The following ANKFN1 variants were observed in gnomAD, a reference collection of about 807,000 sequenced individuals.
ANKFN1 encodes ankyrin repeat and fibronectin type III domain containing 1, also known as ankyrin repeat and fibronectin type-III domain-containing protein 1.
In ANKFN1, 74 loss-of-function variants were observed where a neutral mutation model predicts 108.7. The ratio of observed to expected loss-of-function variants is 0.68; its 90% confidence interval spans 0.56 to 0.83. The LOEUF (loss-of-function observed/expected upper bound fraction) is 0.83. ANKFN1 is among the 40% of genes least tolerant of loss of function. The pLI is 0.00. For synonymous variants in ANKFN1, 547 were observed against 516.2 expected (o/e 1.06, Z -0.81); for missense variants, 1,505 against 1,382.3 (o/e 1.09, Z -1.41).
intron 4 of ANKFN1, among the ~76,000 whole-genome samples, chr17:56,055,969 A>G (rs1002285548): frequency 6.6e-6 from 1 of 151,918 alleles, no homozygotes; most frequent in African/African-American, 2.4e-5. Flanking sequence ...TTCTCTGACA[A>G]TTATTGATGT....
intron 8 of ANKFN1, among the ~76,000 whole-genome samples, chr17:56,378,588 A>G (rs2047004080): frequency 6.6e-6 from 1 of 152,234 alleles, no homozygotes; most frequent in African/African-American, 2.4e-5. Context: ...CTTCATTACT[A>G]GGTTGAAGTG....
intron 4 of ANKFN1, among the ~76,000 whole-genome samples, chr17:56,113,856 AGAT>A (rs1906113846): frequency 8.2e-5 from 1 of 12,234 alleles, no homozygotes; most frequent in African/African-American, 3.8e-3. Flanking sequence ...TGATTAGGAG[AGAT>A]AGATGTTAGA....
At chr17:56,208,915 G>C (rs536216118) in intron 1 of ANKFN1, among the ~76,000 whole-genome samples, 3 of 151,494 alleles carry the variant, frequency 2.0e-5, no homozygotes, top group African/African-American at 7.3e-5. Context: ...ACAGAGTCTC[G>C]CTCTGTCACC....
At chr17:56,434,573 C>T (rs2048871178) in intron 8 of ANKFN1, among the ~76,000 whole-genome samples, 1 of 152,160 alleles carries the variant, frequency 6.6e-6, no homozygotes, top group East Asian at 1.9e-4. Context: ...GTTCCTAAGA[C>T]TACCAAGGGA....
chr17:56,360,588 C>T (rs1357724431), intron 6 of ANKFN1, among the ~76,000 whole-genome samples: 2 of 152,180 alleles, frequency 1.3e-5, no homozygotes, highest in East Asian at 3.8e-4. Context: ...ACAGTAGACA[C>T]TCAACTGAAT....
chr17:56,065,513 T>C (rs74427708), intron 4 of ANKFN1, among the ~76,000 whole-genome samples: 5,066 of 152,242 alleles, frequency 0.033, 274 homozygotes, highest in African/African-American at 0.12. Context: ...TCTCGCTAAG[T>C]TTGATCATTT....
At chr17:56,298,097 A>C (rs72833836) in intron 3 of ANKFN1, among the ~76,000 whole-genome samples, 19,261 of 152,140 alleles carry the variant, frequency 0.13, 1,464 homozygotes, top group African/African-American at 0.22. Flanking sequence ...CTACCTTGGA[A>C]CTACTAAGTC....
At chr17:56,349,598 A>G (rs1307564760) in intron 4 of ANKFN1, among the ~76,000 whole-genome samples, 4 of 152,094 alleles carry the variant, frequency 2.6e-5, no homozygotes, top group Non-Finnish European at 4.4e-5. Context: ...TAAATTATCT[A>G]TTGAAAGCCT....
At chr17:56,189,170 C>CATTTTTTTTTTTTTTTTTT (rs1555607722) in intron 1 of ANKFN1, among the ~76,000 whole-genome samples, 1 of 85,290 alleles carries the variant, frequency 1.2e-5, no homozygotes, top group African/African-American at 6.8e-5. Context: ...GTTGCCCTGA[C>CATTTTTTTTTTTTTTTTTT]TTTTTTTTTT....
chr17:56,380,666 C>T (rs1010504250), intron 8 of ANKFN1, among the ~76,000 whole-genome samples: 11 of 152,324 alleles, frequency 7.2e-5, no homozygotes, highest in South Asian at 2.1e-4. Context: ...CCTACGCCCA[C>T]GGAGTCTCGC....
At chr17:56,235,119 T>C (rs936007958) in intron 3 of ANKFN1, among the ~76,000 whole-genome samples, 1 of 152,212 alleles carries the variant, frequency 6.6e-6, no homozygotes, top group Non-Finnish European at 1.5e-5. Flanking sequence ...TTTGACTTTT[T>C]TTCATATGCC....
At chr17:56,384,088 T>C (rs2047187299) in intron 8 of ANKFN1, among the ~76,000 whole-genome samples, 1 of 152,152 alleles carries the variant, frequency 6.6e-6, no homozygotes, top group Non-Finnish European at 1.5e-5. Context: ...AATAAAATAC[T>C]GGCAAACCAA....
intron 4 of ANKFN1, among the ~76,000 whole-genome samples, chr17:56,093,696 C>T (rs1905463821): frequency 6.6e-6 from 1 of 151,338 alleles, no homozygotes; most frequent in African/African-American, 2.4e-5. Flanking sequence ...TGTCAAGCCC[C>T]AAGGTGAAGT....
intron 14 of ANKFN1, 45 bp downstream of exon 14, chr17:56,458,024 T>C: frequency 1.3e-6 from 2 of 1,520,438 alleles, no homozygotes; most frequent in Non-Finnish European, 1.8e-6. Context: ...AAAATATTTT[T>C]AATGTAGAAA....
At chr17:56,082,336 GTT>G (rs1905649411) in intron 4 of ANKFN1, among the ~76,000 whole-genome samples, 1 of 151,534 alleles carries the variant, frequency 6.6e-6, no homozygotes, top group Non-Finnish European at 1.5e-5. Context: ...GCTTCTCCAA[GTT>G]TTGTCTGGAA....
chr17:56,467,012 G>C (rs905897103), intron 15 of ANKFN1, among the ~76,000 whole-genome samples: 1 of 152,112 alleles, frequency 6.6e-6, no homozygotes, highest in Admixed American at 6.5e-5. Flanking sequence ...AGCTGCTTGG[G>C]GGGCTGAGGC....
At chr17:56,209,852 T>C (rs919187549) in intron 1 of ANKFN1, among the ~76,000 whole-genome samples, 9 of 152,128 alleles carry the variant, frequency 5.9e-5, no homozygotes, top group African/African-American at 1.9e-4. Flanking sequence ...CCAAAGTCCA[T>C]TGTATCATTC....
intron 4 of ANKFN1, among the ~76,000 whole-genome samples, chr17:56,052,630 C>T (rs73323663): frequency 0.085 from 13,014 of 152,234 alleles, 616 homozygotes; most frequent in East Asian, 0.16. Context: ...TCACTGCATG[C>T]ATTCCCATCT....
chr17:56,264,399 G>A (rs1567872068), intron 3 of ANKFN1, among the ~76,000 whole-genome samples: 1 of 152,170 alleles, frequency 6.6e-6, no homozygotes, highest in Non-Finnish European at 1.5e-5. Context: ...TACTCTGCCT[G>A]TTAGACCTCC....
Sources: gnomAD v4.1 joint callset for allele counts (sites outside exome capture counted in the v4.1 genomes callset) on GRCh38, gnomAD v4.1.1 for gene constraint, MANE v1.5 for transcripts, NCBI Gene and HGNC (gene_info 2026-07-23, HGNC 2026-07-21) for gene names.